The following FRMD4B variants were observed in gnomAD, a reference collection of about 807,000 sequenced individuals.
The protein encoded by FRMD4B is FERM domain-containing protein 4B.
Under a neutral mutation model 141.5 loss-of-function variants are expected in FRMD4B, and 74 were observed. The ratio of observed to expected loss-of-function variants is 0.52; its 90% confidence interval spans 0.43 to 0.63. FRMD4B has a LOEUF of 0.63. FRMD4B is among the 30% of genes least tolerant of loss of function. The pLI, the probability that FRMD4B is intolerant of heterozygous loss-of-function variation, is 0.00. For missense variants in FRMD4B, 1,366 were observed against 1,253.4 expected, an observed-to-expected ratio of 1.09 and a Z score of -1.36; for synonymous variants, 506 against 467.9, an observed-to-expected ratio of 1.08 and a Z score of -1.05.
At chr3:69,268,021 A>G (rs964637468) in intron 5 of FRMD4B, among the ~76,000 whole-genome samples, 4 of 151,946 alleles carry the variant, frequency 2.6e-5, no homozygotes, top group African/African-American at 2.4e-5. Context: ...GCTGCAAAAC[A>G]TATCATCAGG....
At chr3:69,174,073 G>T (rs1307269483) in intron 22 of FRMD4B, among the ~76,000 whole-genome samples, 6 of 151,824 alleles carry the variant, frequency 4.0e-5, no homozygotes, top group Non-Finnish European at 8.8e-5. Context: ...GGTGGCAGAG[G>T]TTGCAGTGAG....
At chr3:69,435,452 T>C (rs1033197220) in intron 1 of FRMD4B, among the ~76,000 whole-genome samples, 4 of 152,208 alleles carry the variant, frequency 2.6e-5, no homozygotes, top group Non-Finnish European at 5.9e-5. Flanking sequence ...CAGTTAAATA[T>C]AGCATGCTGC....
intron 1 of FRMD4B, among the ~76,000 whole-genome samples, chr3:69,351,957 G>A (rs1296862011): frequency 6.6e-6 from 1 of 152,184 alleles, no homozygotes; most frequent in Non-Finnish European, 1.5e-5. Flanking sequence ...GATAGTTACT[G>A]GGAATTCTCT....
intron 2 of FRMD4B, among the ~76,000 whole-genome samples, chr3:69,399,634 G>A (rs916126895): frequency 6.6e-6 from 1 of 152,170 alleles, no homozygotes; most frequent in South Asian, 2.1e-4. Context: ...TTTCCCTCAG[G>A]CTCTTTATAT....
intron 1 of FRMD4B, chr3:69,472,498 C>T (rs1156409654): frequency 9.4e-6 from 3 of 319,038 alleles, no homozygotes; most frequent in African/African-American, 2.2e-5. Flanking sequence ...TCTTTCAAAG[C>T]TTTGGATTCC....
At chr3:69,215,937 T>A (rs376725566) in intron 11 of FRMD4B, among the ~76,000 whole-genome samples, 1 of 151,974 alleles carries the variant, frequency 6.6e-6, no homozygotes, top group African/African-American at 2.4e-5. Flanking sequence ...GCAGATCACT[T>A]GAGGTCAGAA....
chr3:69,515,070 G>C (rs1700729532), intron 1 of FRMD4B, among the ~76,000 whole-genome samples: 1 of 152,168 alleles, frequency 6.6e-6, no homozygotes, highest in Admixed American at 6.6e-5. Flanking sequence ...CACACATATG[G>C]TCAAATGATC....
At chr3:69,180,589 C>T (rs1224750781) in intron 21 of FRMD4B, among the ~76,000 whole-genome samples, 1 of 151,594 alleles carries the variant, frequency 6.6e-6, no homozygotes, top group Non-Finnish European at 1.5e-5. Context: ...AGTGAGACTC[C>T]TTCTCAAAAA....
chr3:69,454,349 A>C (rs1047902871), intron 1 of FRMD4B, among the ~76,000 whole-genome samples: 2 of 152,198 alleles, frequency 1.3e-5, no homozygotes, highest in African/African-American at 4.8e-5. Flanking sequence ...CTTGAGGAGC[A>C]CTTCAGCCAG....
chr3:69,365,075 T>C (rs1201320586), intron 1 of FRMD4B, among the ~76,000 whole-genome samples: 5 of 152,248 alleles, frequency 3.3e-5, no homozygotes, highest in African/African-American at 1.2e-4. Flanking sequence ...TTTTAGTGCA[T>C]AACAGAGAGG....
chr3:69,301,427 C>T (rs72934854), intron 4 of FRMD4B, among the ~76,000 whole-genome samples: 8,905 of 152,132 alleles, frequency 0.059, 866 homozygotes, highest in African/African-American at 0.2. Flanking sequence ...TGGGTTCAAG[C>T]GATCCTTATG....
At chr3:69,249,327 C>T (rs1575656786) in intron 6 of FRMD4B, 79 bp from the exon 7 acceptor site, 2 of 952,966 alleles carry the variant, frequency 2.1e-6, no homozygotes, top group Non-Finnish European at 3.3e-6. Context: ...GATTACTTTC[C>T]CCTCTTAAAG....
intron 1 of FRMD4B, among the ~76,000 whole-genome samples, chr3:69,528,914 G>A (rs1700973362): frequency 6.6e-6 from 1 of 152,112 alleles, no homozygotes; most frequent in Non-Finnish European, 1.5e-5. Context: ...TTCACTGGAT[G>A]AGCAAGGGAG....
chr3:69,273,997 G>A (rs1173704991), intron 5 of FRMD4B, among the ~76,000 whole-genome samples: 1 of 152,012 alleles, frequency 6.6e-6, no homozygotes, highest in Non-Finnish European at 1.5e-5. Context: ...TTTGCCAAAG[G>A]AAAGTAAAGG....
chr3:69,491,985 C>A (rs989975699), intron 1 of FRMD4B, among the ~76,000 whole-genome samples: 2 of 152,232 alleles, frequency 1.3e-5, no homozygotes, highest in African/African-American at 4.8e-5. Flanking sequence ...CCCTCCTCCG[C>A]CGTACCCCCG....
At chr3:69,311,403 C>G (rs1396904657) in intron 2 of FRMD4B, 46 bp from the exon 3 acceptor site, 5 of 864,790 alleles carry the variant, frequency 5.8e-6, no homozygotes, top group African/African-American at 5.0e-5. Flanking sequence ...TTGCCTCTCT[C>G]TTACTGCTAC....
chr3:69,402,460 C>A (rs1190534136), intron 2 of FRMD4B, among the ~76,000 whole-genome samples: 1 of 152,096 alleles, frequency 6.6e-6, no homozygotes, highest in African/African-American at 2.4e-5. Context: ...TCCTTATTAC[C>A]TTATTAACCC....
At chr3:69,428,620 T>C (rs539728488) in intron 2 of FRMD4B, among the ~76,000 whole-genome samples, 1 of 152,130 alleles carries the variant, frequency 6.6e-6, no homozygotes, top group South Asian at 2.1e-4. Flanking sequence ...TTTAAACTAT[T>C]AACACTTTTT....
At chr3:69,380,347 G>A (rs952065251) in intron 1 of FRMD4B, among the ~76,000 whole-genome samples, 1 of 152,110 alleles carries the variant, frequency 6.6e-6, no homozygotes, top group Non-Finnish European at 1.5e-5. Flanking sequence ...CCAAGTCCAG[G>A]TGAGACTAGA....
Sources: allele counts gnomAD v4.1 joint callset (sites outside exome capture counted in the v4.1 genomes callset), GRCh38; gene constraint gnomAD v4.1.1; transcripts MANE v1.5; gene names NCBI Gene and HGNC (gene_info 2026-07-23, HGNC 2026-07-21).